EXOC6B: variants seen among roughly 807,000 people sequenced by gnomAD.
EXOC6B encodes the protein SEC15 homolog B.
EXOC6B carries 54 observed loss-of-function variants against 113.5 expected under a neutral mutation model. The observed-to-expected ratio is 0.48, with a 90% CI of 0.38 to 0.60. The LOEUF is 0.60. Ranked by LOEUF, EXOC6B falls within the 20% of genes least tolerant of loss-of-function variation. The pLI is 0.00. For missense variants in EXOC6B, 797 were observed against 977.5 expected (o/e 0.82, Z 2.46); for synonymous variants, 357 against 339.0 (o/e 1.05, Z -0.58).
At chr2:72,613,003 T>C (rs189100197) in intron 6 of EXOC6B, among the ~76,000 whole-genome samples, 108 of 152,274 alleles carry the variant, frequency 7.1e-4, no homozygotes, top group African/African-American at 2.6e-3. Context: ...TCAGCTTCAA[T>C]TTTCTGGGAT....
intron 20 of EXOC6B, among the ~76,000 whole-genome samples, chr2:72,213,890 A>C (rs2104395620): frequency 6.6e-6 from 1 of 152,208 alleles, no homozygotes; most frequent in East Asian, 1.9e-4. Flanking sequence ...CAACTGTGAG[A>C]AGTAAATTTC....
intron 16 of EXOC6B, among the ~76,000 whole-genome samples, chr2:72,485,687 C>T (rs1390292164): frequency 2.6e-5 from 4 of 152,098 alleles, no homozygotes; most frequent in African/African-American, 4.8e-5. Context: ...ATTTTAACAA[C>T]GTGAGCAATA....
chr2:72,716,168 A>C (rs956561057), intron 6 of EXOC6B, among the ~76,000 whole-genome samples: 23 of 152,294 alleles, frequency 1.5e-4, no homozygotes, highest in African/African-American at 5.1e-4. Context: ...ACCCTCCCAC[A>C]TGCAACACTC....
intron 11 of EXOC6B, among the ~76,000 whole-genome samples, chr2:72,508,854 A>C (rs1369747367): frequency 2.6e-5 from 4 of 152,158 alleles, no homozygotes; most frequent in Non-Finnish European, 4.4e-5. Flanking sequence ...AATAATCACA[A>C]TGTTGTATTG....
chr2:72,326,185 A>G (rs1234988284), intron 20 of EXOC6B, among the ~76,000 whole-genome samples: 1 of 152,082 alleles, frequency 6.6e-6, no homozygotes, highest in African/African-American at 2.4e-5. Flanking sequence ...AACCAGTACC[A>G]CTACAACAGC....
chr2:72,738,938 C>T (rs1448078876), intron 2 of EXOC6B, among the ~76,000 whole-genome samples: 2 of 152,172 alleles, frequency 1.3e-5, no homozygotes, highest in African/African-American at 2.4e-5. Flanking sequence ...TTATTGATAA[C>T]ATTTTGGTAT....
intron 20 of EXOC6B, among the ~76,000 whole-genome samples, chr2:72,308,074 A>AT (rs1479267659): frequency 6.6e-6 from 1 of 152,234 alleles, no homozygotes; most frequent in Non-Finnish European, 1.5e-5. Flanking sequence ...AAAGCATTAT[A>AT]TAATTGAATA....
At chr2:72,580,109 A>G (rs948563305) in intron 6 of EXOC6B, among the ~76,000 whole-genome samples, 2 of 145,884 alleles carry the variant, frequency 1.4e-5, no homozygotes, top group Admixed American at 6.8e-5. Flanking sequence ...AGCTTTACCT[A>G]TCTTGCCTCT....
Position 72,194,746 on chromosome 2 carries a change from C to T in EXOC6B, c.2197-10559G>A, listed in dbSNP as rs74977812. 5.4e-3 allele frequency among the ~76,000 whole-genome samples: 819 copies of T among 152,130 alleles called. 7 individuals are homozygous for T. The highest frequency in any genetic ancestry group is 0.019 in the African/African-American group (795 of 41,484). On this transcript the variant is annotated intron_variant, in intron 20 of 21. Coordinates refer to ENST00000272427, the MANE Select transcript of EXOC6B (RefSeq NM_015189.3). ...CGGATTCACAGAAATCTGGAGGAGG[C>T]CTTTGGATTTTCCATAGGCTATGGA...
intron 1 of EXOC6B, among the ~76,000 whole-genome samples, chr2:72,818,110 T>G (rs1041402913): frequency 1.3e-5 from 2 of 152,090 alleles, no homozygotes; most frequent in Non-Finnish European, 2.9e-5. Flanking sequence ...TAGCTGGGAT[T>G]ACAGGTGCCC....
At chr2:72,185,518 G>T (rs559167451) in intron 20 of EXOC6B, among the ~76,000 whole-genome samples, 1 of 152,320 alleles carries the variant, frequency 6.6e-6, no homozygotes, top group African/African-American at 2.4e-5. Context: ...CCAAGAAAGG[G>T]ATTTTAGAGA....
rs10672375 is a variant in EXOC6B at position 72,565,349 on chromosome 2, TAAAA to T, written c.847-5832_847-5829del. Among the ~76,000 whole-genome samples, 44 of 45,146 alleles carry T rather than the reference TAAAA, an allele frequency of 9.7e-4. No individual in the cohort carries two copies. The East Asian group carries it at 0.022, about 23-fold the overall frequency. The allele number at this position is 45,146 out of a possible 152,430, so 29.6% of individuals were successfully genotyped here. A position where few individuals can be genotyped will look rare whatever the true frequency, so the allele number is the denominator to read the frequency against. ...CTGAGTGACAGAGTGAGACCCTGTC[TAAAA>T]AAAAAAAAAAAAAAAAAAAAAGCTG... On this transcript the variant is annotated intron_variant, in intron 7 of 21. Coordinates refer to ENST00000272427, the MANE Select transcript of EXOC6B (RefSeq NM_015189.3).
intron 1 of EXOC6B, among the ~76,000 whole-genome samples, chr2:72,800,313 C>A (rs912493775): frequency 6.6e-6 from 1 of 151,618 alleles, no homozygotes; most frequent in African/African-American, 2.4e-5. Flanking sequence ...TTCTTATCAC[C>A]CAGTTAAATG....
intron 6 of EXOC6B, among the ~76,000 whole-genome samples, chr2:72,644,128 G>T (rs963101714): frequency 2.0e-5 from 3 of 152,138 alleles, no homozygotes; most frequent in Non-Finnish European, 4.4e-5. Context: ...GAAAACCATG[G>T]CACGAGAACT....
chr2:72,353,985 C>G lies in EXOC6B; in HGVS notation c.2123-18965G>C, dbSNP rs186625291. On this transcript the variant is annotated intron_variant, in intron 19 of 21. Transcript: ENST00000272427. ...AAAATGCAGAGAAAGAAGGATGGAGCAGCAAGCTTCGGATCACAACTAAAA... is the reference window on the plus strand; with the variant it reads ...AAAATGCAGAGAAAGAAGGATGGAGGAGCAAGCTTCGGATCACAACTAAAA... Among the ~76,000 whole-genome samples, 744 of 152,288 alleles carry G rather than the reference C, an allele frequency of 4.9e-3. 9 individuals carry two copies. Among genetic ancestry groups the G allele is most frequent in the African/African-American group, 0.017 (691 of 41,570 alleles).
Position 72,425,993 on chromosome 2 carries a change from G to A in EXOC6B, c.1980+39167C>T, listed in dbSNP as rs186791053. ...AAGTGTATCTTTTAGTCTTTATTAC[G>A]TTTTCCTGGTATTTAGTAAACCTTC... On this transcript the variant is annotated intron_variant, in intron 18 of 21. Coordinates refer to ENST00000272427, the MANE Select transcript of EXOC6B (RefSeq NM_015189.3). 6.8e-4 allele frequency among the ~76,000 whole-genome samples: 104 copies of A among 152,140 alleles called. No homozygotes were observed. The Middle Eastern group carries it at 0.01, about 15-fold the overall frequency.
At chr2:72,778,271 T>A (rs758718931) in intron 1 of EXOC6B, among the ~76,000 whole-genome samples, 1 of 152,036 alleles carries the variant, frequency 6.6e-6, no homozygotes, top group Non-Finnish European at 1.5e-5. Context: ...AAGATAGAAA[T>A]AGGTTGGAAG....
intron 18 of EXOC6B, among the ~76,000 whole-genome samples, chr2:72,442,933 C>T (rs1696298356): frequency 6.6e-6 from 1 of 152,148 alleles, no homozygotes. Flanking sequence ...ATAGCCAAGG[C>T]AATCCTAAGC....
At chr2:72,329,822 C>T (rs1688332296) in intron 20 of EXOC6B, among the ~76,000 whole-genome samples, 1 of 152,020 alleles carries the variant, frequency 6.6e-6, no homozygotes, top group Non-Finnish European at 1.5e-5. Flanking sequence ...AGTATTTGTT[C>T]AACATCTCAA....
Sources: gnomAD v4.1 joint callset for allele counts (sites outside exome capture counted in the v4.1 genomes callset) on GRCh38, gnomAD v4.1.1 for gene constraint, MANE v1.5 for transcripts, NCBI Gene and HGNC (gene_info 2026-07-23, HGNC 2026-07-21) for gene names.